The following TENM3 variants were observed in gnomAD, a reference collection of about 807,000 sequenced individuals.
TENM3 encodes the protein teneurin transmembrane protein 3.
TENM3 carries 63 observed loss-of-function variants against 255.1 expected under a neutral mutation model. The ratio of observed to expected loss-of-function variants is 0.25; its 90% CI spans 0.20 to 0.30. The LOEUF (loss-of-function observed/expected upper bound fraction) is 0.30. TENM3 is among the 10% of genes least tolerant of loss of function. The probability of loss-of-function intolerance (pLI) is 1.00; values close to 1 mark genes in which losing one functional copy is unlikely to be tolerated. For synonymous variants in TENM3, 1,306 were observed against 1,322.3 expected (o/e 0.99, Z 0.27); for missense variants, 2,929 against 3,461.1 (o/e 0.85, Z 3.86).
rs1159219690 is a variant in TENM3, at chr4:182,628,770, C to G, written c.869C>G (p.Thr290Ser). 1.9e-6 allele frequency: 3 copies of G among 1,610,260 alleles called. No homozygotes were observed. Among genetic ancestry groups the G allele is most frequent in the Admixed American group, 1.7e-5 (1 of 59,534 alleles). The change falls in exon 5 of 28, where the codon ACC becomes AGC. Residue 290 changes from threonine (T) to serine (S), a missense_variant. By Grantham distance (58) the Thr-to-Ser change is moderately conservative. Around this residue, in one of 6 missense-constraint regions of TENM3, gnomAD observed 1,608 missense variants for 1,884.4 expected, o/e 0.85. Transcript: ENST00000511685. ...CCTACTCGGCCACTACCTAGAAACA[C>G]CCTATCAAGAAGTGCTTTTAAATTC... ...SPPTRPLPRN[T>S]LSRSAFKFKK...
chr4:181,547,632 A>T, the TENM3 span, among the ~76,000 whole-genome samples: 3 of 152,146 alleles, frequency 2.0e-5, no homozygotes, highest in South Asian at 4.1e-4. Context: ...AAAGATCATT[A>T]ATATGAAAGA....
chr4:181,505,483 A>T, the TENM3 span, among the ~76,000 whole-genome samples: 1 of 152,154 alleles, frequency 6.6e-6, no homozygotes, highest in South Asian at 2.1e-4. Flanking sequence ...TTTCCCCAAT[A>T]AGCTGTTTAT....
chr4:182,255,845 C>A (rs1329029161), intron 1 of TENM3, among the ~76,000 whole-genome samples: 1 of 152,146 alleles, frequency 6.6e-6, no homozygotes, highest in East Asian at 1.9e-4. Flanking sequence ...GACTGAAGTA[C>A]TGAAAAGTTA....
the TENM3 span, among the ~76,000 whole-genome samples, chr4:181,967,311 A>G: frequency 6.6e-6 from 1 of 152,190 alleles, no homozygotes; most frequent in African/African-American, 2.4e-5. Context: ...TGTAACCCCC[A>G]GCTTACTCTG....
chr4:182,547,321 G>T (rs147711537), intron 3 of TENM3, among the ~76,000 whole-genome samples: 10 of 151,974 alleles, frequency 6.6e-5, no homozygotes, highest in Non-Finnish European at 1.2e-4. Flanking sequence ...TACTTTTCTC[G>T]TGCTTTTCAG....
intron 6 of TENM3, among the ~76,000 whole-genome samples, chr4:182,671,187 G>T (rs1339438866): frequency 6.6e-6 from 1 of 152,078 alleles, no homozygotes; most frequent in African/African-American, 2.4e-5. Context: ...TGGAATCCTT[G>T]TAACGGTGCA....
At chr4:181,713,508 ATCT>A in the TENM3 span, among the ~76,000 whole-genome samples, 4 of 152,166 alleles carry the variant, frequency 2.6e-5, no homozygotes, top group African/African-American at 9.7e-5. Flanking sequence ...TTGAGGGAAA[ATCT>A]TCTTGGTCAC....
chr4:181,541,467 G>C, the TENM3 span, among the ~76,000 whole-genome samples: 1 of 152,052 alleles, frequency 6.6e-6, no homozygotes, highest in Admixed American at 6.6e-5. Flanking sequence ...AGTCGTTCTT[G>C]AGTTTCTGTT....
At chr4:182,201,937 A>ACAC (rs1754209861) in intron 1 of TENM3, among the ~76,000 whole-genome samples, 11 of 152,232 alleles carry the variant, frequency 7.2e-5, no homozygotes, top group Admixed American at 7.2e-4. Context: ...TTTGGTAGAA[A>ACAC]CACCACCCCA....
chr4:181,973,265 G>T, the TENM3 span, among the ~76,000 whole-genome samples: 5 of 152,152 alleles, frequency 3.3e-5, no homozygotes, highest in African/African-American at 4.8e-5. Flanking sequence ...TGGTCTAGGT[G>T]CTTGGGTGGC....
intron 3 of TENM3, among the ~76,000 whole-genome samples, chr4:182,380,380 G>T (rs1220312229): frequency 2.0e-5 from 3 of 152,214 alleles, no homozygotes; most frequent in Non-Finnish European, 4.4e-5. Context: ...GGAGTTGTGT[G>T]AAAGACTGAC....
intron 6 of TENM3, among the ~76,000 whole-genome samples, chr4:182,670,268 A>G (rs1423881810): frequency 6.6e-6 from 1 of 152,230 alleles, no homozygotes; most frequent in African/African-American, 2.4e-5. Flanking sequence ...AATTATAGTG[A>G]TTACTATAAC....
At chr4:182,250,561 T>A (rs1211726547) in intron 1 of TENM3, among the ~76,000 whole-genome samples, 2 of 152,200 alleles carry the variant, frequency 1.3e-5, no homozygotes, top group Non-Finnish European at 2.9e-5. Context: ...TTCAGTGTAC[T>A]ACATGTTGGA....
the TENM3 span, among the ~76,000 whole-genome samples, chr4:181,662,488 A>C: frequency 8.1e-4 from 124 of 152,332 alleles, no homozygotes; most frequent in Non-Finnish European, 1.6e-3. Context: ...TTTTGAAACA[A>C]TGTTCCTTGT....
At chr4:181,969,498 C>T in the TENM3 span, among the ~76,000 whole-genome samples, 1 of 151,980 alleles carries the variant, frequency 6.6e-6, no homozygotes, top group African/African-American at 2.4e-5. Flanking sequence ...TTTTTGCCAC[C>T]GCAATATGCA....
At chr4:182,218,847 A>G (rs907686812) in intron 1 of TENM3, among the ~76,000 whole-genome samples, 2 of 152,256 alleles carry the variant, frequency 1.3e-5, no homozygotes, top group African/African-American at 4.8e-5. Context: ...GTGACAGTAT[A>G]CTGATATTAG....
chr4:181,553,910 C>A, the TENM3 span, among the ~76,000 whole-genome samples: 2 of 152,070 alleles, frequency 1.3e-5, no homozygotes, highest in African/African-American at 2.4e-5. Context: ...CCTGCTCCAT[C>A]CCCCCGCTCT....
the TENM3 span, among the ~76,000 whole-genome samples, chr4:181,497,097 T>C: frequency 6.6e-6 from 1 of 152,194 alleles, no homozygotes; most frequent in African/African-American, 2.4e-5. Flanking sequence ...CGACTTTTTC[T>C]AGGCATTTGT....
chr4:181,758,181 T>A, the TENM3 span, among the ~76,000 whole-genome samples: 1 of 152,250 alleles, frequency 6.6e-6, no homozygotes. Flanking sequence ...ATAAAAATGC[T>A]TAGTGAGAAT....
Sources: gnomAD v4.1 joint callset for allele counts (sites outside exome capture counted in the v4.1 genomes callset) on GRCh38, gnomAD v4.1.1 for gene constraint, gnomAD v4.1.1 regional missense constraint, MANE v1.5 for transcripts, NCBI Gene and HGNC (gene_info 2026-07-23, HGNC 2026-07-21) for gene names.